The following TAFA2 variants were observed in gnomAD, a reference collection of about 807,000 sequenced individuals.
TAFA2 encodes chemokine-like protein TAFA-2.
Under a neutral mutation model 18.8 loss-of-function variants are expected in TAFA2, and 7 were observed. The ratio of observed to expected loss-of-function variants is 0.37; its 90% CI spans 0.21 to 0.70. TAFA2 has a LOEUF of 0.70. Ranked by LOEUF, TAFA2 falls within the 30% of genes least tolerant of loss-of-function variation. TAFA2 has a pLI of 0.53. For synonymous variants in TAFA2, 60 were observed against 54.2 expected (o/e 1.11, Z -0.47); for missense variants, 122 against 158.1 (o/e 0.77, Z 1.23).
At chr12:61,754,605 C>T (rs1169282400) in intron 3 of TAFA2, among the ~76,000 whole-genome samples, 6 of 151,678 alleles carry the variant, frequency 4.0e-5, no homozygotes, top group Admixed American at 2.0e-4. Flanking sequence ...GAGAAATCAA[C>T]ATTTCATGGT....
chr12:62,111,022 T>A (rs1869705740), intron 1 of TAFA2, among the ~76,000 whole-genome samples: 2 of 152,156 alleles, frequency 1.3e-5, no homozygotes, highest in Admixed American at 6.6e-5. Flanking sequence ...ATTTGTCTTC[T>A]GCTAGCTTTT....
intron 1 of TAFA2, among the ~76,000 whole-genome samples, chr12:62,057,794 A>G (rs1321130807): frequency 7.2e-5 from 11 of 151,862 alleles, no homozygotes; most frequent in Non-Finnish European, 5.9e-5. Context: ...TTTAAGTTCT[A>G]TCATTTTAAC....
At chr12:61,843,109 G>A (rs1353368380) in intron 2 of TAFA2, among the ~76,000 whole-genome samples, 4 of 151,932 alleles carry the variant, frequency 2.6e-5, no homozygotes, top group African/African-American at 9.7e-5. Context: ...TAGGCCTTTA[G>A]GCAGGAGAAT....
intron 1 of TAFA2, among the ~76,000 whole-genome samples, chr12:61,918,189 T>C (rs538546336): frequency 6.6e-6 from 1 of 152,258 alleles, no homozygotes; most frequent in South Asian, 2.1e-4. Flanking sequence ...TTTAGTTATC[T>C]TAAAATGAAC....
intron 2 of TAFA2, among the ~76,000 whole-genome samples, chr12:61,838,210 G>A (rs1381577051): frequency 6.6e-6 from 1 of 151,920 alleles, no homozygotes; most frequent in Non-Finnish European, 1.5e-5. Flanking sequence ...TATCAGAGAG[G>A]CATGGAGATA....
At chr12:61,849,007 A>G (rs895104973) in intron 2 of TAFA2, among the ~76,000 whole-genome samples, 42 of 152,014 alleles carry the variant, frequency 2.8e-4, no homozygotes, top group African/African-American at 9.4e-4. Context: ...ACGGCTGGCT[A>G]ATTTTTTGTA....
chr12:62,081,552 T>C (rs976594856), intron 1 of TAFA2, among the ~76,000 whole-genome samples: 4 of 151,986 alleles, frequency 2.6e-5, no homozygotes, highest in Non-Finnish European at 5.9e-5. Context: ...TGGTGCAATC[T>C]CGACTCACTA....
At chr12:62,184,124 G>T (rs1224530203) in intron 1 of TAFA2, among the ~76,000 whole-genome samples, 1 of 152,080 alleles carries the variant, frequency 6.6e-6, no homozygotes, top group Non-Finnish European at 1.5e-5. Context: ...CAAAGCTGAA[G>T]AACCCAAATA....
intron 2 of TAFA2, among the ~76,000 whole-genome samples, chr12:61,790,188 A>AAT (rs34320899): frequency 6.6e-6 from 1 of 150,430 alleles, no homozygotes; most frequent in East Asian, 2.0e-4. Flanking sequence ...AAAAAAAAAA[A>AAT]TCCCCAAAAT....
At position 61,798,454 on chromosome 12, in the gene TAFA2, A is replaced by C. The variant is rs536579408; in HGVS notation, c.107-43430T>G. Among the ~76,000 whole-genome samples, 4 of 152,300 alleles carry C rather than the reference A, an allele frequency of 2.6e-5. No homozygotes were observed. The South Asian group carries it at 8.3e-4, about 32-fold the overall frequency. On this transcript the variant is annotated intron_variant, in intron 2 of 4. Transcript: ENST00000416284. ...TTTAGTGTACACTTCAGTGGCATTA[A>C]GTGCATTCACAGTGTTGTACAGCCA...
chr12:62,192,690 A>G lies in TAFA2; in HGVS notation c.-1433T>C, dbSNP rs1457412042. On this transcript the variant is annotated 5_prime_UTR_variant, in exon 1 of 5. Transcript: ENST00000416284. Reference sequence around the variant, plus strand: ...CCTGACACTCCAGGTTGAGTTAAGCAGTAAAATGGAATGGCAGGGCCGGGC... The same window carrying G: ...CCTGACACTCCAGGTTGAGTTAAGCGGTAAAATGGAATGGCAGGGCCGGGC... The G allele has an allele frequency of 6.6e-6, 1 of 152,272 alleles. No homozygotes were observed. The highest frequency in any genetic ancestry group is 1.5e-5 in the Non-Finnish European group (1 of 68,082). 9.4% of individuals were successfully genotyped at this position (152,272 alleles called of 1,614,324 possible).
chr12:62,175,877 T>C (rs1015118759), intron 1 of TAFA2, among the ~76,000 whole-genome samples: 78 of 21,294 alleles, frequency 3.7e-3, no homozygotes, highest in African/African-American at 0.023. Context: ...TATATATATA[T>C]ATATATTAAA....
At chr12:62,084,161 T>A (rs1296658876) in intron 1 of TAFA2, among the ~76,000 whole-genome samples, 3 of 152,180 alleles carry the variant, frequency 2.0e-5, no homozygotes, top group Non-Finnish European at 4.4e-5. Flanking sequence ...TTTTCCAACA[T>A]TTCCCCTCAC....
In TAFA2 at chr12:62,222,702, G is replaced by A. The variant is rs1262086234; in HGVS notation, c.-130+36061C>T. Among the ~76,000 whole-genome samples the A allele has an allele frequency of 2.7e-5, 4 of 149,944 alleles. No individual in the cohort carries two copies. In the East Asian group the frequency reaches 7.8e-4, roughly 29 times the overall value. ...TTTTTTTTTTTTTATTTTTAGTAGA[G>A]ATGGGGTTTCACCATGTTAGCCAGG... On this transcript the variant is annotated intron_variant, in intron 1 of 5. Coordinates refer to the TAFA2 transcript ENST00000551619.
chr12:62,042,991 C>G (rs1881804811), intron 1 of TAFA2, among the ~76,000 whole-genome samples: 2 of 151,990 alleles, frequency 1.3e-5, no homozygotes, highest in Admixed American at 1.3e-4. Flanking sequence ...AAAATTATAT[C>G]TTCAATAAAA....
At chr12:61,749,016 A>T (rs1446226161) in intron 4 of TAFA2, among the ~76,000 whole-genome samples, 2 of 152,006 alleles carry the variant, frequency 1.3e-5, no homozygotes, top group African/African-American at 4.8e-5. Context: ...CTGTAATCTC[A>T]GCACTTTGGG....
intron 2 of TAFA2, among the ~76,000 whole-genome samples, chr12:61,833,470 T>C (rs1482828038): frequency 2.6e-5 from 4 of 152,102 alleles, no homozygotes. Flanking sequence ...TCTTGCTCTC[T>C]CAGTTGATTT....
At chr12:61,731,652 G>C (rs1434105777) in intron 4 of TAFA2, among the ~76,000 whole-genome samples, 1 of 151,898 alleles carries the variant, frequency 6.6e-6, no homozygotes, top group Admixed American at 6.6e-5. Context: ...AAAACCCCGA[G>C]AATTATTCTG....
chr12:62,159,522 C>T (rs1041102603), intron 1 of TAFA2, among the ~76,000 whole-genome samples: 4 of 152,158 alleles, frequency 2.6e-5, no homozygotes, highest in African/African-American at 9.7e-5. Flanking sequence ...AATATTTTTA[C>T]AGTAGAATCT....
Sources: allele counts gnomAD v4.1 joint callset (sites outside exome capture counted in the v4.1 genomes callset), GRCh38; gene constraint gnomAD v4.1.1; transcripts MANE v1.5; gene names NCBI Gene and HGNC (gene_info 2026-07-23, HGNC 2026-07-21).